Variants in PRKN observed in about 807,000 individuals in gnomAD.
The protein encoded by PRKN is E3 ubiquitin-protein ligase parkin.
PRKN carries 56 observed loss-of-function variants against 59.5 expected under a neutral mutation model. The observed-to-expected ratio is 0.94, with a 90% CI of 0.76 to 1.18. PRKN has a LOEUF of 1.18. PRKN is among the 50% of genes most tolerant of loss of function. The pLI, the probability that PRKN is intolerant of heterozygous loss-of-function variation, is 0.00. For synonymous variants in PRKN, 250 were observed against 222.1 expected (o/e 1.13, Z -1.12); for missense variants, 657 against 596.4 (o/e 1.10, Z -1.06).
rs1491565828 is a variant in PRKN, at chr6:161,874,232, TAA to T, written c.735-88326_735-88325del. Among the ~76,000 whole-genome samples, 6 of 24,716 alleles carry T rather than the reference TAA, an allele frequency of 2.4e-4. 1 individual carries two copies. The highest frequency in any genetic ancestry group is 7.1e-4 in the African/African-American group (5 of 7,092). 16.2% of individuals were successfully genotyped at this position (24,716 alleles called of 152,430 possible). A position where few individuals can be genotyped will look rare whatever the true frequency, so the allele number is the denominator to read the frequency against. ...TGTAAAATATAATATATATTATATA[TAA>T]TATATAATATATAATATATATTATA... On this transcript the variant is annotated intron_variant, in intron 6 of 11. Transcript: ENST00000366898.
At chr6:161,960,904 A>G (rs940651995) in intron 6 of PRKN, among the ~76,000 whole-genome samples, 2 of 152,206 alleles carry the variant, frequency 1.3e-5, no homozygotes, top group Non-Finnish European at 2.9e-5. Context: ...ATAGACACCA[A>G]TGCAGGAATA....
intron 9 of PRKN, among the ~76,000 whole-genome samples, chr6:161,436,843 A>C (rs1455404101): frequency 6.6e-6 from 1 of 151,894 alleles, no homozygotes; most frequent in Non-Finnish European, 1.5e-5. Context: ...CTCTCTCTCT[A>C]TGTGTTAGGT....
Position 161,386,602 on chromosome 6 carries a change from T to C in PRKN, c.1167+192A>G, listed in dbSNP as rs115310353. The stretch of plus-strand genomic sequence containing the variant: ...TTTTGGACATGCCCCAAGTGGCCAC[T>C]GGGAAGTCTACACTGTGCCCCAAGG... On this transcript the variant is annotated intron_variant, in intron 10 of 11. Coordinates refer to ENST00000366898, the MANE Select transcript of PRKN (RefSeq NM_004562.3). This position sits in a 1 kb window ranked among gnomAD's most constrained non-coding sequence, Gnocchi z 4.3. Among the ~76,000 whole-genome samples the C allele has an allele frequency of 4.2e-3, 642 of 152,302 alleles. 4 individuals carry two copies. The highest frequency in any genetic ancestry group is 0.014 in the African/African-American group (596 of 41,570).
Position 161,391,159 on chromosome 6 carries a change from A to C in PRKN, c.1084-4282T>G, listed in dbSNP as rs1786487508. ...CAACATTTTCACATCCATTCTGCTGAGCTGCATGTCTCATATCTGGGGCGC... is the reference window on the plus strand; with the variant it reads ...CAACATTTTCACATCCATTCTGCTGCGCTGCATGTCTCATATCTGGGGCGC... On this transcript the variant is annotated intron_variant, in intron 9 of 11. Transcript: ENST00000366898. The surrounding 1 kb of genome is among the most constrained non-coding windows in gnomAD (Gnocchi z 4.9). 2.0e-5 allele frequency among the ~76,000 whole-genome samples: 3 copies of C among 152,140 alleles called. No individual in the cohort carries two copies.
intron 2 of PRKN, among the ~76,000 whole-genome samples, chr6:162,328,081 TCG>T (rs1263294266): frequency 1.7e-4 from 16 of 95,794 alleles, no homozygotes; most frequent in Non-Finnish European, 3.4e-4. Flanking sequence ...CACCACTAGG[TCG>T]GGTGCGGTGG....
At chr6:162,589,293 T>C (rs13215491) in intron 1 of PRKN, among the ~76,000 whole-genome samples, 15,563 of 152,178 alleles carry the variant, frequency 0.1, 939 homozygotes, top group Middle Eastern at 0.19. Flanking sequence ...TTTGTTTCAT[T>C]GTAAATATCT....
In PRKN at chr6:161,526,153, C is replaced by T. The variant is rs1779008628; in HGVS notation, c.1083+22701G>A. On this transcript the variant is annotated intron_variant, in intron 9 of 11. Coordinates refer to ENST00000366898, the MANE Select transcript of PRKN (RefSeq NM_004562.3). The surrounding 1 kb of genome is among the most constrained non-coding windows in gnomAD (Gnocchi z 4.1). Reference sequence around the variant, plus strand: ...AAAAAAAAGGTCAGTCCCATAAATACTCTCATCACAGTCAGTTTCAAGCTG... The same window carrying T: ...AAAAAAAAGGTCAGTCCCATAAATATTCTCATCACAGTCAGTTTCAAGCTG... Among the ~76,000 whole-genome samples the T allele has an allele frequency of 3.3e-5, 5 of 152,152 alleles. No homozygotes were observed. Among genetic ancestry groups the T allele is most frequent in the Admixed American group, 3.3e-4 (5 of 15,276 alleles).
intron 7 of PRKN, among the ~76,000 whole-genome samples, chr6:161,649,971 C>G (rs1248331684): frequency 6.6e-6 from 1 of 152,168 alleles, no homozygotes; most frequent in Non-Finnish European, 1.5e-5. Context: ...GTGAGGAAGC[C>G]CAAGCCACAT....
chr6:161,564,163 C>A (rs980453351), intron 8 of PRKN, among the ~76,000 whole-genome samples: 1 of 152,320 alleles, frequency 6.6e-6, no homozygotes, highest in South Asian at 2.1e-4. Flanking sequence ...GTTGCCCCCA[C>A]CGCTGGCAGG....
At chr6:162,277,477 C>G (rs2128105388) in intron 2 of PRKN, among the ~76,000 whole-genome samples, 1 of 152,124 alleles carries the variant, frequency 6.6e-6, no homozygotes, top group East Asian at 1.9e-4. Context: ...GAAGACTGTT[C>G]TATACTAAAG....
intron 2 of PRKN, among the ~76,000 whole-genome samples, chr6:162,396,781 A>C (rs891879775): frequency 6.6e-6 from 1 of 152,146 alleles, no homozygotes; most frequent in East Asian, 1.9e-4. Context: ...TATACAAAAG[A>C]AGCAATCATA....
rs1253520825 is a variant in PRKN at position 161,447,182 on chromosome 6, A to T, written c.1084-60305T>A. ...ACAGTTAAGTCCCCCTGTGAAGTTA[A>T]CCGAAAGCTGCTTTTTCACTCAGAG... On this transcript the variant is annotated intron_variant, in intron 9 of 11. Coordinates refer to ENST00000366898, the MANE Select transcript of PRKN (RefSeq NM_004562.3). This position sits in a 1 kb window ranked among gnomAD's most constrained non-coding sequence, Gnocchi z 4.1. 6.6e-6 allele frequency among the ~76,000 whole-genome samples: 1 copy of T among 152,122 alleles called. No individual in the cohort carries two copies. The highest frequency in any genetic ancestry group is 1.5e-5 in the Non-Finnish European group (1 of 68,010).
Position 162,283,380 on chromosome 6 carries a change from G to C in PRKN, c.172-20615C>G, listed in dbSNP as rs1781010704. On this transcript the variant is annotated intron_variant, in intron 2 of 11. Coordinates refer to ENST00000366898, the MANE Select transcript of PRKN (RefSeq NM_004562.3). Reference sequence around the variant, plus strand: ...AACTGAAATGTACGTGTGAGTGTGTGTGTTTGTATGTATGCATGGTTTTAT... The same window carrying C: ...AACTGAAATGTACGTGTGAGTGTGTCTGTTTGTATGTATGCATGGTTTTAT... Among the ~76,000 whole-genome samples, 3 of 152,280 alleles carry C rather than the reference G, an allele frequency of 2.0e-5. No homozygotes were observed. The South Asian group carries it at 6.2e-4, about 32-fold the overall frequency.
chr6:162,625,008 G>A (rs1782827099), intron 1 of PRKN, among the ~76,000 whole-genome samples: 1 of 152,196 alleles, frequency 6.6e-6, no homozygotes, highest in South Asian at 2.1e-4. Flanking sequence ...TTCTGGGAAG[G>A]CTCTATTTCC....
intron 2 of PRKN, among the ~76,000 whole-genome samples, chr6:162,384,370 G>A (rs150784446): frequency 1.3e-5 from 2 of 152,222 alleles, no homozygotes; most frequent in East Asian, 1.9e-4. Context: ...GAATAGGGAA[G>A]CCCAAGGAGA....
chr6:162,126,610 C>T (rs999236816), intron 4 of PRKN, among the ~76,000 whole-genome samples: 6 of 152,284 alleles, frequency 3.9e-5, no homozygotes, highest in Non-Finnish European at 7.4e-5. Context: ...CCCCTCCTCT[C>T]CTCTAGGCTC....
At chr6:161,364,565 A>T (rs1430612291) in intron 10 of PRKN, among the ~76,000 whole-genome samples, 2 of 151,976 alleles carry the variant, frequency 1.3e-5, no homozygotes, top group East Asian at 3.8e-4. Context: ...TGAGAAAAGA[A>T]AAAGAAAATG....
At position 162,528,068 on chromosome 6, in the gene PRKN, C is replaced by CG. The variant is rs1292578701; in HGVS notation, c.8-84596dup. Among the ~76,000 whole-genome samples, 99 of 82,920 alleles carry CG rather than the reference C, an allele frequency of 1.2e-3. 1 individual carries two copies. Among genetic ancestry groups the CG allele is most frequent in the African/African-American group, 6.7e-3 (84 of 12,578 alleles). 54.4% of individuals were successfully genotyped at this position (82,920 alleles called of 152,430 possible). A position where few individuals can be genotyped will look rare whatever the true frequency, so the allele number is the denominator to read the frequency against. On this transcript the variant is annotated intron_variant, in intron 1 of 11. Coordinates refer to ENST00000366898, the MANE Select transcript of PRKN (RefSeq NM_004562.3). Reference sequence around the variant, plus strand: ...AGCACTTTGGGAGGTCGGGGGAGGGCGGGGGGGCGGGAGGGGTGCGGGGCG... The same window carrying CG: ...AGCACTTTGGGAGGTCGGGGGAGGGCGGGGGGGGCGGGAGGGGTGCGGGGCG...
At chr6:161,809,015 A>G (rs184162546) in intron 6 of PRKN, among the ~76,000 whole-genome samples, 4 of 152,082 alleles carry the variant, frequency 2.6e-5, no homozygotes, top group Admixed American at 2.0e-4. Flanking sequence ...TAATTTTTGT[A>G]TATTTTGTAG....
Sources: gnomAD v4.1 joint callset for allele counts (sites outside exome capture counted in the v4.1 genomes callset) on GRCh38, gnomAD v4.1.1 for gene constraint, Gnocchi (gnomAD v3.1) non-coding constraint, MANE v1.5 for transcripts, NCBI Gene and HGNC (gene_info 2026-07-23, HGNC 2026-07-21) for gene names.